EEF1G: variants seen among roughly 807,000 people sequenced by gnomAD.
The protein encoded by EEF1G is elongation factor 1-gamma.
Under a neutral mutation model 58.3 loss-of-function variants are expected in EEF1G, and 14 were observed. That is an observed-to-expected ratio of 0.24 (90% CI 0.16 to 0.38). The LOEUF is 0.38. Ranked by LOEUF, EEF1G falls within the 10% of genes least tolerant of loss-of-function variation. EEF1G has a pLI of 1.00. For missense variants in EEF1G, 322 were observed against 550.1 expected (o/e 0.59, Z 4.15); for synonymous variants, 180 against 206.8 (o/e 0.87, Z 1.11).
intron 7 of EEF1G, among the ~76,000 whole-genome samples, chr11:62,562,456 A>C (rs1941507820): frequency 6.6e-6 from 1 of 152,156 alleles, no homozygotes; most frequent in African/African-American, 2.4e-5. Context: ...AAAATCACCT[A>C]TAATGCCAAC....
At chr11:62,571,224 C>T (rs1374997926) in intron 4 of EEF1G, 116 bp from the exon 5 acceptor site, 1 of 1,482,744 alleles carries the variant, frequency 6.7e-7, no homozygotes, top group Non-Finnish European at 9.3e-7. Context: ...CACCCTCACT[C>T]TCTTTCAATG....
chr11:62,562,572 A>G (rs760961123), intron 7 of EEF1G, among the ~76,000 whole-genome samples: 7 of 151,910 alleles, frequency 4.6e-5, no homozygotes, highest in Non-Finnish European at 8.8e-5. Context: ...ACCTCTACCT[A>G]CCGGGTTCAA....
At position 62,563,316 on chromosome 11, in the gene EEF1G, T is replaced by C. The variant is rs147625514; in HGVS notation, c.858-2862A>G. On this transcript the variant is annotated intron_variant, in intron 7 of 9. Coordinates refer to ENST00000329251, the MANE Select transcript of EEF1G (RefSeq NM_001404.5). ...TAATTTTTTGTACTTTTTGTATTTT[T>C]AGTAGAGACGGTATTTTTACCGTGT... Among the ~76,000 whole-genome samples the C allele has an allele frequency of 8.4e-3, 1,284 of 152,118 alleles. 10 individuals are homozygous for C. Among genetic ancestry groups the C allele is most frequent in the Admixed American group, 0.015 (233 of 15,298 alleles).
intron 7 of EEF1G, among the ~76,000 whole-genome samples, chr11:62,563,326 G>A (rs1300622960): frequency 6.6e-6 from 1 of 151,872 alleles, no homozygotes; most frequent in Non-Finnish European, 1.5e-5. Flanking sequence ...TAGTAGAGAC[G>A]GTATTTTTAC....
At chr11:62,565,104 A>G (rs1433271773) in intron 7 of EEF1G, among the ~76,000 whole-genome samples, 2 of 151,658 alleles carry the variant, frequency 1.3e-5, no homozygotes, top group Admixed American at 6.6e-5. Context: ...AACAAAAAAC[A>G]CAAAAAGGAG....
chr11:62,572,835 G>T, intron 1 of EEF1G, 93 bp from the exon 2 acceptor site: 1 of 1,215,794 alleles, frequency 8.2e-7, no homozygotes, highest in Non-Finnish European at 1.1e-6. Flanking sequence ...TAATCCCAAT[G>T]TATTCAACTC....
chr11:62,564,172 T>C (rs1337672470), intron 7 of EEF1G, among the ~76,000 whole-genome samples: 1 of 152,198 alleles, frequency 6.6e-6, no homozygotes, highest in African/African-American at 2.4e-5. Context: ...ACATTAAAAA[T>C]GTTGGGGGAG....
At chr11:62,567,320 G>A (rs1590709421) in intron 6 of EEF1G, 79 bp downstream of exon 6, 3 of 1,504,318 alleles carry the variant, frequency 2.0e-6, no homozygotes, top group Non-Finnish European at 1.8e-6. Flanking sequence ...CCAAAAGCAA[G>A]ACAGGAAATC....
chr11:62,564,652 C>T (rs1941534668), intron 7 of EEF1G, among the ~76,000 whole-genome samples: 1 of 148,072 alleles, frequency 6.8e-6, no homozygotes, highest in Non-Finnish European at 1.5e-5. Context: ...GTCCCAGCTA[C>T]TCAAGAGGCT....
chr11:62,567,657 C>A, intron 5 of EEF1G, 129 bp from the exon 6 acceptor site: 1 of 828,118 alleles, frequency 1.2e-6, no homozygotes, highest in Non-Finnish European at 1.7e-6. Context: ...ACAATAGCTT[C>A]ATACAACATC....
chr11:62,562,350 T>C (rs911861582), intron 7 of EEF1G, among the ~76,000 whole-genome samples: 16 of 152,226 alleles, frequency 1.1e-4, no homozygotes, highest in African/African-American at 3.9e-4. Flanking sequence ...TCTCAAAGTG[T>C]GGCGTTTTCT....
intron 7 of EEF1G, among the ~76,000 whole-genome samples, chr11:62,566,482 G>T (rs1941557414): frequency 6.6e-6 from 1 of 152,200 alleles, no homozygotes; most frequent in Non-Finnish European, 1.5e-5. Flanking sequence ...GCCTCTCCCT[G>T]TATTTGTTCT....
intron 7 of EEF1G, among the ~76,000 whole-genome samples, chr11:62,565,005 G>A (rs1352832486): frequency 4.6e-5 from 7 of 151,778 alleles, no homozygotes; most frequent in African/African-American, 1.5e-4. Context: ...CTGGGGAGGC[G>A]GAGGTTGCAG....
chr11:62,569,963 A>C (rs1031922188), intron 5 of EEF1G, among the ~76,000 whole-genome samples: 10 of 152,220 alleles, frequency 6.6e-5, no homozygotes, highest in African/African-American at 2.4e-4. Context: ...AGTAAAAAAC[A>C]GGACTAAAGG....
Position 62,560,124 on chromosome 11 carries a change from T to C in EEF1G, c.1100A>G (p.Asn367Ser). The C allele has an allele frequency of 1.2e-6, 2 of 1,614,066 alleles. No homozygotes were observed. Among genetic ancestry groups the C allele is most frequent in the Non-Finnish European group, 1.7e-6 (2 of 1,179,902 alleles). Reference sequence around the variant, plus strand: ...CCAGACTCCAGAAATGGAGCTGCTATTGTTGGTTCCAAAAAGGATGACACT... The same window carrying C: ...CCAGACTCCAGAAATGGAGCTGCTACTGTTGGTTCCAAAAAGGATGACACT... ...FASVILFGTN[N>S]SSSISGVWVF... is the part of the protein sequence containing the mutation. Residue 367 changes from asparagine (N) to serine (S), a missense_variant, in exon 9 of 10, where the codon AAT (asparagine) becomes AGT (serine). This residue lies in a region of EEF1G where 208 missense variants were observed against 323.7 expected (regional missense o/e 0.64). Coordinates refer to ENST00000329251, the MANE Select transcript of EEF1G (RefSeq NM_001404.5).
At chr11:62,573,777 G>A (rs1323557359) in intron 1 of EEF1G, 54 bp downstream of exon 1, 60 of 1,612,648 alleles carry the variant, frequency 3.7e-5, no homozygotes, top group Admixed American at 5.0e-5. Context: ...CCCCACTCGG[G>A]CAAAGGATGG....
chr11:62,563,491 G>C (rs1941522445), intron 7 of EEF1G, among the ~76,000 whole-genome samples: 1 of 152,172 alleles, frequency 6.6e-6, no homozygotes, highest in South Asian at 2.1e-4. Context: ...GGCTGAGGTA[G>C]AAGGACCACC....
intron 1 of EEF1G, 164 bp downstream of exon 1, chr11:62,573,667 T>C: frequency 1.0e-6 from 1 of 994,648 alleles, no homozygotes; most frequent in Admixed American, 2.2e-5. Flanking sequence ...CAGCCTCAGT[T>C]CCCCTCCAGG....
intron 5 of EEF1G, among the ~76,000 whole-genome samples, chr11:62,569,699 G>A (rs1447243492): frequency 6.6e-6 from 1 of 152,216 alleles, no homozygotes; most frequent in Non-Finnish European, 1.5e-5. Flanking sequence ...CAGTCAGAGT[G>A]CTGGTTCCAC....
Sources: gnomAD v4.1 joint callset for allele counts (sites outside exome capture counted in the v4.1 genomes callset) on GRCh38, gnomAD v4.1.1 for gene constraint, gnomAD v4.1.1 regional missense constraint, MANE v1.5 for transcripts, NCBI Gene and HGNC (gene_info 2026-07-23, HGNC 2026-07-21) for gene names.